The following ABCA13 variants were observed in gnomAD, a reference collection of about 807,000 sequenced individuals.
The protein encoded by ABCA13 is ATP-binding cassette sub-family A member 13.
A neutral mutation model predicts 478.7 loss-of-function variants in ABCA13; 476 were observed. The observed-to-expected ratio is 0.99, with a 90% CI of 0.92 to 1.07. The LOEUF is 1.07. ABCA13 is among the 50% of genes least tolerant of loss of function. ABCA13 has a pLI of 0.00. For synonymous variants in ABCA13, 2,252 were observed against 2,158.9 expected, an observed-to-expected ratio of 1.04 and a Z score of -1.20; for missense variants, 6,060 against 5,910.6, an observed-to-expected ratio of 1.03 and a Z score of -0.83.
intron 52 of ABCA13, 49 bp downstream of exon 52, chr7:48,516,930 A>T (rs748077582): frequency 6.4e-7 from 1 of 1,574,238 alleles, no homozygotes; most frequent in Non-Finnish European, 8.7e-7. Context: ...CTCTAGTGCA[A>T]AGACGGTGTT....
chr7:48,430,785 G>A (rs1407620660), intron 42 of ABCA13, among the ~76,000 whole-genome samples: 1 of 151,570 alleles, frequency 6.6e-6, no homozygotes, highest in Non-Finnish European at 1.5e-5. Flanking sequence ...GTCAATTTTG[G>A]TAATGTTTTC....
At chr7:48,233,121 C>A (rs1313626265) in intron 7 of ABCA13, among the ~76,000 whole-genome samples, 1 of 151,516 alleles carries the variant, frequency 6.6e-6, no homozygotes, top group African/African-American at 2.5e-5. Context: ...ATCTTTAACA[C>A]CTTCCTGAAG....
chr7:48,368,776 T>TAC (rs4024053), intron 32 of ABCA13, among the ~76,000 whole-genome samples: 14,867 of 143,404 alleles, frequency 0.1, 928 homozygotes, highest in Middle Eastern at 0.21. Flanking sequence ...CATATACATA[T>TAC]ACACACACAC....
intron 1 of ABCA13, among the ~76,000 whole-genome samples, chr7:48,174,466 T>G (rs2128849684): frequency 6.6e-6 from 1 of 152,256 alleles, no homozygotes; most frequent in African/African-American, 2.4e-5. Context: ...AAAAAACATC[T>G]TATTATAGAT....
intron 42 of ABCA13, among the ~76,000 whole-genome samples, chr7:48,441,000 A>G (rs73327755): frequency 0.023 from 3,428 of 152,270 alleles, 135 homozygotes; most frequent in African/African-American, 0.078. Flanking sequence ...ACTGAAATGT[A>G]TATTATTTAA....
At chr7:48,202,973 G>T (rs1304005171) in intron 3 of ABCA13, among the ~76,000 whole-genome samples, 1 of 152,202 alleles carries the variant, frequency 6.6e-6, no homozygotes, top group Non-Finnish European at 1.5e-5. Context: ...GGCGGCGCTC[G>T]TCGGGGAGGC....
intron 3 of ABCA13, among the ~76,000 whole-genome samples, chr7:48,211,846 C>T (rs2128944763): frequency 1.3e-5 from 2 of 151,972 alleles, no homozygotes; most frequent in East Asian, 3.9e-4. Context: ...GCTTGCCAGA[C>T]CAAGTCCTCT....
chr7:48,222,889 A>T (rs1035555617), intron 5 of ABCA13, among the ~76,000 whole-genome samples: 1 of 152,126 alleles, frequency 6.6e-6, no homozygotes, highest in Non-Finnish European at 1.5e-5. Context: ...GCAGAGACCG[A>T]CGGTAGCCAG....
At chr7:48,204,152 G>A (rs1217404910) in intron 3 of ABCA13, among the ~76,000 whole-genome samples, 7 of 136,964 alleles carry the variant, frequency 5.1e-5, no homozygotes, top group South Asian at 2.3e-4. Context: ...CTTTCTTGTT[G>A]CCCACGCTGG....
intron 38 of ABCA13, among the ~76,000 whole-genome samples, chr7:48,402,916 A>G (rs542674390): frequency 1.3e-5 from 2 of 152,240 alleles, no homozygotes; most frequent in African/African-American, 2.4e-5. Context: ...GGCATTGTTT[A>G]AACTGGGTTT....
rs1830168528 is a variant in ABCA13 at position 48,495,168 on chromosome 7, T to C, written c.13291+5824T>C. ...ATTGATGCACAAATTTGATGAATTT[T>C]CTAAAGTTCAAGGATAAAGAAAAAA... On this transcript the variant is annotated intron_variant, in intron 48 of 61. Transcript: ENST00000435803. 2.6e-5 allele frequency among the ~76,000 whole-genome samples: 4 copies of C among 152,342 alleles called. No homozygotes were observed. In the South Asian group the frequency reaches 8.3e-4, roughly 32 times the overall value.
intron 33 of ABCA13, among the ~76,000 whole-genome samples, chr7:48,373,755 G>A (rs765377956): frequency 8.5e-5 from 13 of 152,138 alleles, no homozygotes; most frequent in Non-Finnish European, 1.5e-4. Flanking sequence ...CATTATATTC[G>A]TGGGTTCTGT....
chr7:48,237,986 A>G (rs1331666959), intron 8 of ABCA13, among the ~76,000 whole-genome samples: 1 of 152,240 alleles, frequency 6.6e-6, no homozygotes, highest in Non-Finnish European at 1.5e-5. Flanking sequence ...CTGTGCTTTG[A>G]CAGTCACAGG....
intron 27 of ABCA13, among the ~76,000 whole-genome samples, chr7:48,330,581 C>T (rs1352931365): frequency 2.0e-5 from 3 of 150,120 alleles, no homozygotes; most frequent in Non-Finnish European, 4.4e-5. Flanking sequence ...ATCCATCCAT[C>T]CATTCATTCA....
chr7:48,525,654 T>C (rs1009497603), intron 54 of ABCA13, among the ~76,000 whole-genome samples: 8 of 143,728 alleles, frequency 5.6e-5, no homozygotes, highest in Admixed American at 1.4e-4. Flanking sequence ...CAGCAAGGCC[T>C]CTCTGTTTAG....
chr7:48,568,361 T>A (rs753589931), intron 55 of ABCA13, among the ~76,000 whole-genome samples: 23 of 152,128 alleles, frequency 1.5e-4, no homozygotes, highest in Non-Finnish European at 3.2e-4. Context: ...TTTAATGAGA[T>A]GTGTGGTTTT....
chr7:48,407,120 G>C (rs1021699903), intron 39 of ABCA13, among the ~76,000 whole-genome samples: 2 of 152,086 alleles, frequency 1.3e-5, no homozygotes, highest in African/African-American at 2.4e-5. Context: ...TTGATACACT[G>C]TTGACTCCTT....
rs1562953364 is a variant in ABCA13 at position 48,278,771 on chromosome 7, T to C, written c.7577T>C (p.Leu2526Pro). ...TCAATGGACTCCATTGTGAAACTTC[T>C]TAAGCTGGTCAAGAAAGTTTCGGGG... is the stretch of plus-strand genomic sequence containing the variant. ...ATSMDSIVKL[L>P]KLVKKVSGKM... The change falls in exon 18 of 62, where the codon CTT (leucine) becomes CCT (proline). Residue 2526 changes from leucine to proline, a missense_variant. Coordinates refer to ENST00000435803, the MANE Select transcript of ABCA13 (RefSeq NM_152701.5). 1 of 1,613,964 alleles carries C rather than the reference T, an allele frequency of 6.2e-7. No individual in the cohort carries two copies. The highest frequency in any genetic ancestry group is 1.6e-4 in the Middle Eastern group (1 of 6,062).
rs369337083 is a variant in ABCA13, at chr7:48,635,594, G to A, written c.14838-7694G>A. On this transcript the variant is annotated intron_variant, in intron 59 of 61. Transcript: ENST00000435803. ...ATGAGGTAGAGCTGGGTAAAAAAAG[G>A]GCACCATCACCTCTCATCTGTACTC... Among the ~76,000 whole-genome samples, 3 of 152,136 alleles carry A rather than the reference G, an allele frequency of 2.0e-5. No homozygotes were observed. In the South Asian group the frequency reaches 6.2e-4, roughly 31 times the overall value.
Sources: gnomAD v4.1 joint callset for allele counts (sites outside exome capture counted in the v4.1 genomes callset) on GRCh38, gnomAD v4.1.1 for gene constraint, MANE v1.5 for transcripts, NCBI Gene and HGNC (gene_info 2026-07-23, HGNC 2026-07-21) for gene names.